Variants in CACNA2D4 observed in about 807,000 individuals in gnomAD.
CACNA2D4 encodes calcium voltage-gated channel auxiliary subunit alpha2delta 4.
In CACNA2D4, 157 loss-of-function variants were observed where a neutral mutation model predicts 163.8. That is an observed-to-expected ratio of 0.96 (90% confidence interval 0.84 to 1.09). CACNA2D4 has a LOEUF of 1.09. Ranked by LOEUF, CACNA2D4 falls within the 50% of genes least tolerant of loss-of-function variation. CACNA2D4 has a pLI of 0.00. For synonymous variants in CACNA2D4, 598 were observed against 586.9 expected (o/e 1.02, Z -0.27); for missense variants, 1,410 against 1,479.9 (o/e 0.95, Z 0.78).
At chr12:1,899,136 T>C (rs896181428) in intron 6 of CACNA2D4, among the ~76,000 whole-genome samples, 2 of 152,092 alleles carry the variant, frequency 1.3e-5, no homozygotes, top group African/African-American at 4.8e-5. Context: ...TTAAAAAACC[T>C]CACTACCAAT....
chr12:1,875,450 A>C lies in CACNA2D4; in HGVS notation c.1720-113T>G, dbSNP rs1865863383. The C allele has an allele frequency of 8.4e-6, 6 of 716,984 alleles. No homozygotes were observed. The East Asian group carries it at 1.6e-4, about 19-fold the overall frequency. 44.4% of individuals were successfully genotyped at this position (716,984 alleles called of 1,614,324 possible). On this transcript the variant is annotated intron_variant, in intron 16 of 37. Coordinates refer to ENST00000382722, the MANE Select transcript of CACNA2D4 (RefSeq NM_172364.5). This position sits in a 1 kb window ranked among gnomAD's most constrained non-coding sequence, Gnocchi z 4.0. The stretch of plus-strand genomic sequence containing the variant: ...TCATAAAAGCAAAGGATTCCTTAGA[A>C]ATCAATCAATCCAGTAATTACTTAA...
chr12:1,910,047 G>A, intron 3 of CACNA2D4, 82 bp from the exon 4 acceptor site: 1 of 1,154,094 alleles, frequency 8.7e-7, no homozygotes, highest in Non-Finnish European at 1.3e-6. Context: ...GTTGCCGGGT[G>A]ACCCAGCAAT....
At chr12:1,835,040 G>C in intron 26 of CACNA2D4, 1 of 308,922 alleles carries the variant, frequency 3.2e-6, no homozygotes, top group Non-Finnish European at 6.0e-6. Flanking sequence ...GCATTCCCCT[G>C]TCGCCCTTCC....
intron 23 of CACNA2D4, among the ~76,000 whole-genome samples, chr12:1,850,490 T>C (rs1011302615): frequency 6.6e-6 from 1 of 152,226 alleles, no homozygotes; most frequent in Non-Finnish European, 1.5e-5. Flanking sequence ...ACATAATATA[T>C]AGAGTAACCC....
chr12:1,813,230 C>T (rs191611213), intron 26 of CACNA2D4, among the ~76,000 whole-genome samples: 4 of 152,296 alleles, frequency 2.6e-5, no homozygotes, highest in Non-Finnish European at 4.4e-5. Flanking sequence ...TAAACTTCAG[C>T]GTGCATCAGA....
chr12:1,880,551 T>A (rs561398363), intron 13 of CACNA2D4, among the ~76,000 whole-genome samples: 27 of 152,358 alleles, frequency 1.8e-4, no homozygotes, highest in African/African-American at 6.0e-4. Flanking sequence ...GGGCTCTGCA[T>A]GTGTGCCCCA....
chr12:1,872,712 C>A (rs1010775614), intron 18 of CACNA2D4, among the ~76,000 whole-genome samples: 12 of 152,116 alleles, frequency 7.9e-5, no homozygotes, highest in African/African-American at 2.9e-4. Context: ...GAGAGCCAGA[C>A]ACTGCCTCGG....
chr12:1,800,559 G>C, intron 31 of CACNA2D4, 121 bp from the exon 32 acceptor site: 1 of 961,534 alleles, frequency 1.0e-6, no homozygotes. Flanking sequence ...CTGGGAGCAG[G>C]GGCAGCAGAG....
chr12:1,908,061 CG>C, intron 4 of CACNA2D4, 24 bp from the exon 5 acceptor site: 1 of 1,593,436 alleles, frequency 6.3e-7, no homozygotes, highest in Non-Finnish European at 8.6e-7. Context: ...GTGAGGCCCA[CG>C]GAGGCGGCCC....
Position 1,792,046 on chromosome 12 carries a change from T to G in CACNA2D4, c.*1609A>C, listed in dbSNP as rs750346061. On this transcript the variant is annotated 3_prime_UTR_variant, in exon 38 of 38. Transcript: ENST00000382722. The stretch of plus-strand genomic sequence containing the variant: ...TACGTGAATACATCACATTCAATCT[T>G]CATACACTCTTCCGGTAATTTGGAG... 3.3e-5 allele frequency: 5 copies of G among 152,248 alleles called. No individual in the cohort carries two copies. The highest frequency in any genetic ancestry group is 6.5e-5 in the Admixed American group (1 of 15,288). The allele number at this position is 152,248 out of a possible 1,614,324, so 9.4% of individuals were successfully genotyped here.
At chr12:1,913,171 T>G in intron 2 of CACNA2D4, 32 bp from the exon 3 acceptor site, 2 of 1,467,980 alleles carry the variant, frequency 1.4e-6, no homozygotes, top group Non-Finnish European at 1.9e-6. Flanking sequence ...GATGCGTGCA[T>G]GTGGTTTTGT....
intron 25 of CACNA2D4, 46 bp from the exon 26 acceptor site, chr12:1,840,865 G>A (rs1298932567): frequency 1.3e-6 from 2 of 1,543,072 alleles, no homozygotes; most frequent in Admixed American, 1.7e-5. Flanking sequence ...GCTGTGGTTG[G>A]GGCAGGTGGA....
At chr12:1,800,532 A>C (rs1348719795) in intron 31 of CACNA2D4, 94 bp from the exon 32 acceptor site, 1 of 1,291,752 alleles carries the variant, frequency 7.7e-7, no homozygotes. Flanking sequence ...GAGACCAGAG[A>C]GTGGGCTGCC....
chr12:1,822,850 G>T (rs762786496), intron 26 of CACNA2D4, among the ~76,000 whole-genome samples: 1 of 152,154 alleles, frequency 6.6e-6, no homozygotes, highest in Admixed American at 6.5e-5. Flanking sequence ...CCTCCCCTGC[G>T]TCCTGGCCAC....
chr12:1,847,869 T>TAA (rs35037693), intron 23 of CACNA2D4, among the ~76,000 whole-genome samples: 5 of 152,078 alleles, frequency 3.3e-5, no homozygotes, highest in Admixed American at 6.5e-5. Flanking sequence ...AAATAACATT[T>TAA]AAAAAAACTT....
rs1224027625 is a variant in CACNA2D4 at position 1,806,415 on chromosome 12, GC to G, written c.2721+3862del. Reference sequence around the variant, plus strand: ...ACCGCCGGTGCCAAGAAAGAGCCAAGCAGCCACTCCCTGGGGCTGGCTGCAG... The same window carrying G: ...ACCGCCGGTGCCAAGAAAGAGCCAAGAGCCACTCCCTGGGGCTGGCTGCAG... On this transcript the variant is annotated intron_variant, in intron 29 of 37. Coordinates refer to ENST00000382722, the MANE Select transcript of CACNA2D4 (RefSeq NM_172364.5). The surrounding 1 kb of genome is among the most constrained non-coding windows in gnomAD (Gnocchi z 4.1). 1.3e-5 allele frequency among the ~76,000 whole-genome samples: 2 copies of G among 152,184 alleles called. No individual in the cohort carries two copies. Among genetic ancestry groups the G allele is most frequent in the East Asian group, 3.9e-4 (2 of 5,184 alleles).
rs1185104071 is a variant in CACNA2D4 at position 1,844,995 on chromosome 12, A to T, written c.2343-466T>A. 2.7e-5 allele frequency among the ~76,000 whole-genome samples: 4 copies of T among 150,888 alleles called. No individual in the cohort carries two copies. The highest frequency in any genetic ancestry group is 9.7e-5 in the African/African-American group (4 of 41,078). On this transcript the variant is annotated intron_variant, in intron 24 of 37. Coordinates refer to ENST00000382722, the MANE Select transcript of CACNA2D4 (RefSeq NM_172364.5). The surrounding 1 kb of genome is among the most constrained non-coding windows in gnomAD (Gnocchi z 4.2). Reference sequence around the variant, plus strand: ...TTTTTTTGAGCAGCTTTACCTTGCTAATTATGGTTTTGCATTCCCTGAACA... The same window carrying T: ...TTTTTTTGAGCAGCTTTACCTTGCTTATTATGGTTTTGCATTCCCTGAACA...
In CACNA2D4 at chr12:1,907,555, A is replaced by G; in HGVS notation, c.666T>C (p.Asn222=). 3 of 1,613,152 alleles carry G rather than the reference A, an allele frequency of 1.9e-6. No individual in the cohort carries two copies. Among genetic ancestry groups the G allele is most frequent in the Non-Finnish European group, 2.5e-6 (3 of 1,179,288 alleles). The part of the protein sequence containing the change: ...NVYNKDPDIL[N]GVYMSEALNA... ...TCAAGGCTTCAGACATGTAGACTCC[A>G]TTTAAAATATCTGGGTCTGAAGGGT... is the stretch of plus-strand genomic sequence containing the variant. Residue 222 remains asparagine, a synonymous_variant, in exon 6 of 38, where the codon AAT becomes AAC. Coordinates refer to ENST00000382722, the MANE Select transcript of CACNA2D4 (RefSeq NM_172364.5).
At chr12:1,876,375 C>A (rs1189943567) in intron 16 of CACNA2D4, among the ~76,000 whole-genome samples, 2 of 152,180 alleles carry the variant, frequency 1.3e-5, no homozygotes, top group Non-Finnish European at 2.9e-5. Flanking sequence ...TTTTCTGGCC[C>A]TGACTTCTCT....
Sources: gnomAD v4.1 joint callset for allele counts (sites outside exome capture counted in the v4.1 genomes callset) on GRCh38, gnomAD v4.1.1 for gene constraint, Gnocchi (gnomAD v3.1) non-coding constraint, MANE v1.5 for transcripts, NCBI Gene and HGNC (gene_info 2026-07-23, HGNC 2026-07-21) for gene names.